OSBPL10: variants seen among roughly 807,000 people sequenced by gnomAD.
The protein encoded by OSBPL10 is oxysterol-binding protein-related protein 10.
In OSBPL10, 49 loss-of-function variants were observed where a neutral mutation model predicts 81.7. That is an observed-to-expected ratio of 0.60 (90% CI 0.48 to 0.76). The LOEUF is 0.76. Among genes scored for constraint, OSBPL10 ranks in the 30% least tolerant of loss-of-function variants. OSBPL10 has a pLI of 0.00. For synonymous variants in OSBPL10, 419 were observed against 383.6 expected (o/e 1.09, Z -1.08); for missense variants, 923 against 987.8 (o/e 0.93, Z 0.88).
intron 4 of OSBPL10, among the ~76,000 whole-genome samples, chr3:31,821,451 A>T (rs574197672): frequency 6.6e-6 from 1 of 152,186 alleles, no homozygotes; most frequent in Non-Finnish European, 1.5e-5. Flanking sequence ...TTACCTTCTA[A>T]AGTAAATCTG....
intron 2 of OSBPL10, among the ~76,000 whole-genome samples, chr3:31,877,543 A>G (rs964582835): frequency 3.3e-5 from 5 of 152,180 alleles, no homozygotes; most frequent in Non-Finnish European, 7.3e-5. Context: ...AACTGCATAA[A>G]TATAATAATA....
intron 4 of OSBPL10, among the ~76,000 whole-genome samples, chr3:31,774,101 G>A (rs1698470155): frequency 1.3e-5 from 2 of 150,222 alleles, no homozygotes; most frequent in Non-Finnish European, 2.9e-5. Flanking sequence ...GGCGGAGGTT[G>A]CAGTGAGCCG....
intron 2 of OSBPL10, among the ~76,000 whole-genome samples, chr3:31,993,251 C>T (rs1699053823): frequency 6.6e-6 from 1 of 150,682 alleles, no homozygotes; most frequent in Admixed American, 6.6e-5. Flanking sequence ...CTCTTGTTGA[C>T]CAGGCTGGAG....
intron 1 of OSBPL10, among the ~76,000 whole-genome samples, chr3:31,896,022 A>AATT (rs1245289281): frequency 1.3e-5 from 2 of 152,202 alleles, no homozygotes; most frequent in African/African-American, 4.8e-5. Flanking sequence ...CAGTACTAGA[A>AATT]ATTATGCCTA....
At chr3:31,676,381 C>T (rs1273562780) in intron 8 of OSBPL10, among the ~76,000 whole-genome samples, 2 of 148,766 alleles carry the variant, frequency 1.3e-5, no homozygotes, top group African/African-American at 2.5e-5. Flanking sequence ...TTTGGCCTAA[C>T]AGCTAAGAGA....
At chr3:31,768,952 GC>G (rs1322790643) in intron 4 of OSBPL10, among the ~76,000 whole-genome samples, 1 of 151,950 alleles carries the variant, frequency 6.6e-6, no homozygotes, top group Non-Finnish European at 1.5e-5. Flanking sequence ...TTCCATTGCT[GC>G]CCCCTGCTGA....
chr3:31,902,307 G>C (rs1696269630), intron 1 of OSBPL10, among the ~76,000 whole-genome samples: 1 of 140,100 alleles, frequency 7.1e-6, no homozygotes, highest in Non-Finnish European at 1.5e-5. Context: ...CTGTCGCCCA[G>C]GCTGAAGCGC....
intron 2 of OSBPL10, among the ~76,000 whole-genome samples, chr3:32,022,739 A>G (rs925135777): frequency 6.6e-6 from 1 of 152,032 alleles, no homozygotes; most frequent in Non-Finnish European, 1.5e-5. Context: ...GATTGCACAC[A>G]CTGCACTCCA....
chr3:31,779,414 G>A (rs1228801047), intron 4 of OSBPL10, among the ~76,000 whole-genome samples: 1 of 152,122 alleles, frequency 6.6e-6, no homozygotes, highest in Admixed American at 6.6e-5. Context: ...AGCAGGAATT[G>A]TTATTCTATC....
intron 4 of OSBPL10, among the ~76,000 whole-genome samples, chr3:31,761,171 A>G: frequency 6.6e-6 from 1 of 152,074 alleles, no homozygotes; most frequent in Non-Finnish European, 1.5e-5. Context: ...AATGCAGGGT[A>G]AAGAAAAGTT....
At position 31,701,375 on chromosome 3, in the gene OSBPL10, C is replaced by T. The variant is rs774134563; in HGVS notation, c.1245+984G>A. ...ACTTCCTTCCCCAGCACACCCTCCC[C>T]GCAGATCATGTCTGTCTGTCTGTGT... On this transcript the variant is annotated intron_variant, in intron 7 of 11. Transcript: ENST00000396556. Among the ~76,000 whole-genome samples the T allele has an allele frequency of 5.0e-4, 76 of 152,308 alleles. 1 individual carries two copies. The Middle Eastern group carries it at 0.014, about 27-fold the overall frequency.
chr3:31,671,121 C>T (rs900825811), intron 8 of OSBPL10, 138 bp from the exon 9 acceptor site: 15 of 811,398 alleles, frequency 1.8e-5, no homozygotes, highest in Non-Finnish European at 2.6e-5. Flanking sequence ...GTGAGCTGCT[C>T]GTTCACTGTG....
intron 4 of OSBPL10, among the ~76,000 whole-genome samples, chr3:31,803,072 A>G (rs1450847379): frequency 2.0e-5 from 3 of 150,856 alleles, no homozygotes; most frequent in African/African-American, 7.3e-5. Context: ...TGATTCAGTG[A>G]GAATCCCCTG....
chr3:32,060,722 G>A lies in OSBPL10; in HGVS notation n.186-14119C>T, dbSNP rs1184042139. 6.6e-5 allele frequency among the ~76,000 whole-genome samples: 6 copies of A among 90,732 alleles called. 3 individuals carry two copies. The highest frequency in any genetic ancestry group is 1.2e-4 in the Non-Finnish European group (4 of 34,052). The allele number at this position is 90,732 out of a possible 152,430, so 59.5% of individuals were successfully genotyped here. ...TGTAATCCCAGTACTTTGGGAGGCC[G>A]AGCTGGGTGGATCACCTGAGGTCGG... On this transcript the variant is annotated intron_variant and non_coding_transcript_variant, in intron 1 of 3. Transcript: ENST00000479173.
At chr3:31,944,023 GAAT>G (rs1203765446) in intron 1 of OSBPL10, among the ~76,000 whole-genome samples, 2 of 120,428 alleles carry the variant, frequency 1.7e-5, no homozygotes, top group Admixed American at 1.7e-4. Flanking sequence ...CTTAATATAT[GAAT>G]AATATTTCAT....
At chr3:31,794,039 T>C (rs567991893) in intron 4 of OSBPL10, among the ~76,000 whole-genome samples, 1 of 152,298 alleles carries the variant, frequency 6.6e-6, no homozygotes, top group African/African-American at 2.4e-5. Context: ...GTTGGCACAG[T>C]GGTGGCTGAA....
At chr3:32,051,480 C>G (rs10433584) in intron 1 of OSBPL10, among the ~76,000 whole-genome samples, 1 of 152,154 alleles carries the variant, frequency 6.6e-6, no homozygotes, top group African/African-American at 2.4e-5. Flanking sequence ...ATTAGAGAAG[C>G]ATGCTCTTGG....
rs146331567 is a variant in OSBPL10 at position 31,770,980 on chromosome 3, G to A, written c.730-22860C>T. Among the ~76,000 whole-genome samples, 169 of 152,234 alleles carry A rather than the reference G, an allele frequency of 1.1e-3. 1 individual carries two copies. Among genetic ancestry groups the A allele is most frequent in the African/African-American group, 4.0e-3 (166 of 41,540 alleles). On this transcript the variant is annotated intron_variant, in intron 4 of 11. Transcript: ENST00000396556. ...AGGCTGAGGACACCACTTATTAACT[G>A]TAATCTTGGGCATGTTTAATCTTCC...
At chr3:31,797,245 G>T (rs540257903) in intron 4 of OSBPL10, among the ~76,000 whole-genome samples, 3 of 151,956 alleles carry the variant, frequency 2.0e-5, no homozygotes, top group Non-Finnish European at 4.4e-5. Context: ...CGGCCTCTTC[G>T]GCCTCCCGAA....
Sources: allele counts gnomAD v4.1 joint callset (sites outside exome capture counted in the v4.1 genomes callset), GRCh38; gene constraint gnomAD v4.1.1; transcripts MANE v1.5; gene names NCBI Gene and HGNC (gene_info 2026-07-23, HGNC 2026-07-21).